Variants in CDIN1 observed in about 807,000 individuals in gnomAD.
CDIN1 encodes CDAN1-interacting nuclease 1.
In CDIN1, 33 loss-of-function variants were observed where a neutral mutation model predicts 45.3. The ratio of observed to expected loss-of-function variants is 0.73; its 90% CI spans 0.55 to 0.97. The LOEUF (loss-of-function observed/expected upper bound fraction) is 0.97, where lower values mean the gene tolerates loss of function less well. Among genes scored for constraint, CDIN1 ranks in the 50% least tolerant of loss-of-function variants. The pLI, the probability that CDIN1 is intolerant of heterozygous loss-of-function variation, is 0.00. For synonymous variants in CDIN1, 118 were observed against 124.4 expected, an observed-to-expected ratio of 0.95 and a Z score of 0.34; for missense variants, 303 against 339.4, an observed-to-expected ratio of 0.89 and a Z score of 0.84.
intron 1 of CDIN1, among the ~76,000 whole-genome samples, chr15:36,636,584 A>G (rs2039908330): frequency 6.6e-6 from 1 of 152,080 alleles, no homozygotes; most frequent in African/African-American, 2.4e-5. Flanking sequence ...AAAGAACGTA[A>G]CGGAGATGAA....
intron 10 of CDIN1, among the ~76,000 whole-genome samples, chr15:36,741,574 A>G (rs2044240516): frequency 1.3e-5 from 2 of 151,500 alleles, no homozygotes; most frequent in South Asian, 4.2e-4. Flanking sequence ...TGGGTGGCTT[A>G]CAGGACGGAA....
chr15:36,664,792 C>T (rs181705402), intron 5 of CDIN1, among the ~76,000 whole-genome samples: 7 of 152,172 alleles, frequency 4.6e-5, no homozygotes, highest in East Asian at 1.9e-4. Flanking sequence ...GTGATCCGCC[C>T]GCCTTGGCCT....
intron 10 of CDIN1, among the ~76,000 whole-genome samples, chr15:36,803,345 CAG>C (rs1045799647): frequency 6.6e-6 from 1 of 151,560 alleles, no homozygotes; most frequent in African/African-American, 2.4e-5. Flanking sequence ...CAGAAAGTGA[CAG>C]AGAACAGTGG....
intron 1 of CDIN1, among the ~76,000 whole-genome samples, chr15:36,608,802 A>T (rs561652100): frequency 6.6e-6 from 1 of 152,096 alleles, no homozygotes; most frequent in Non-Finnish European, 1.5e-5. Flanking sequence ...TTTAAACAGT[A>T]TGTTAAATTA....
At chr15:36,670,495 A>G (rs1045117578) in intron 5 of CDIN1, among the ~76,000 whole-genome samples, 3 of 152,180 alleles carry the variant, frequency 2.0e-5, no homozygotes, top group Non-Finnish European at 4.4e-5. Context: ...TTGTTTTTGC[A>G]TATCAAGTAG....
At chr15:36,715,806 G>A (rs1207247424) in intron 10 of CDIN1, among the ~76,000 whole-genome samples, 1 of 152,174 alleles carries the variant, frequency 6.6e-6, no homozygotes, top group Non-Finnish European at 1.5e-5. Context: ...TTGCTAGCTG[G>A]AGTAACCTCA....
In CDIN1 at chr15:36,622,853, G is replaced by A. The variant is rs1051218262; in HGVS notation, c.102-21425G>A. Among the ~76,000 whole-genome samples, 4 of 152,284 alleles carry A rather than the reference G, an allele frequency of 2.6e-5. No individual in the cohort carries two copies. In the Middle Eastern group the frequency reaches 0.01, roughly 388 times the overall value. ...CTTGAATCATGCTGGTGTTTGTATC[G>A]GGGAGGCAGCCTTTCTGGCTTCCTC... On this transcript the variant is annotated intron_variant, in intron 1 of 10. Coordinates refer to ENST00000566621, the MANE Select transcript of CDIN1 (RefSeq NM_001321759.2).
chr15:36,705,036 A>C (rs1000986189), intron 8 of CDIN1: 9 of 152,132 alleles, frequency 5.9e-5, no homozygotes, highest in Non-Finnish European at 4.4e-5. Context: ...ATTGCTTTGG[A>C]TATTTTGGGC....
chr15:36,695,564 A>G (rs950838078), intron 7 of CDIN1, among the ~76,000 whole-genome samples: 25 of 152,092 alleles, frequency 1.6e-4, no homozygotes, highest in African/African-American at 5.6e-4. Flanking sequence ...TGTGACTAAA[A>G]GGCTGGGTGC....
At chr15:36,619,386 C>A (rs1312089705) in intron 1 of CDIN1, 3 of 363,238 alleles carry the variant, frequency 8.3e-6, no homozygotes, top group African/African-American at 6.4e-5. Context: ...GAAAGTACAT[C>A]CTTAAATCAT....
chr15:36,672,491 T>C (rs28542943), intron 5 of CDIN1, among the ~76,000 whole-genome samples: 12,900 of 151,876 alleles, frequency 0.085, 693 homozygotes, highest in Middle Eastern at 0.12. Flanking sequence ...ATCATACACA[T>C]ATAAAGAAAT....
rs541149145 is a variant in CDIN1, at chr15:36,654,094, C to A, written c.213-4C>A. 5 of 1,574,682 alleles carry A rather than the reference C, an allele frequency of 3.2e-6. No homozygotes were observed. Among genetic ancestry groups the A allele is most frequent in the Non-Finnish European group, 4.3e-6 (5 of 1,157,694 alleles). On this transcript the variant is annotated splice_region_variant and splice_polypyrimidine_tract_variant and intron_variant, in intron 3 of 10. Coordinates refer to ENST00000566621, the MANE Select transcript of CDIN1 (RefSeq NM_001321759.2). Reference sequence around the variant, plus strand: ...GCATTACCACTTGGCTTTGTCTTGTCTAGGTACCTGAATGGAGTGGTGAAA... The same window carrying A: ...GCATTACCACTTGGCTTTGTCTTGTATAGGTACCTGAATGGAGTGGTGAAA...
intron 1 of CDIN1, among the ~76,000 whole-genome samples, chr15:36,604,752 C>T (rs904076971): frequency 4.6e-5 from 7 of 152,100 alleles, no homozygotes; most frequent in African/African-American, 1.4e-4. Context: ...AGCACCTAAG[C>T]ATATATGATG....
chr15:36,771,896 C>A (rs2054087912), intron 10 of CDIN1, among the ~76,000 whole-genome samples: 1 of 149,746 alleles, frequency 6.7e-6, no homozygotes, highest in Non-Finnish European at 1.5e-5. Context: ...CCATTGCACT[C>A]CAGCCTGGGT....
chr15:36,783,053 A>G (rs1020774558), intron 10 of CDIN1, among the ~76,000 whole-genome samples: 7 of 152,206 alleles, frequency 4.6e-5, no homozygotes, highest in African/African-American at 1.7e-4. Context: ...GGATAATACT[A>G]TAAAATCTCT....
intron 10 of CDIN1, among the ~76,000 whole-genome samples, chr15:36,749,662 T>C (rs1020424916): frequency 6.6e-6 from 1 of 152,222 alleles, no homozygotes; most frequent in Non-Finnish European, 1.5e-5. Flanking sequence ...TGGTTCTTCT[T>C]TTAAAAAGCA....
At chr15:36,787,921 ATTATTCATACTTTAAATGATG>A (rs2054532898) in intron 10 of CDIN1, among the ~76,000 whole-genome samples, 1 of 150,536 alleles carries the variant, frequency 6.6e-6, no homozygotes, top group Non-Finnish European at 1.5e-5. Context: ...TTAATGTGAT[ATTATTCATACTTTAAATGATG>A]TTATTCATAC....
chr15:36,651,352 T>C (rs1358250996), intron 3 of CDIN1, among the ~76,000 whole-genome samples: 1 of 152,180 alleles, frequency 6.6e-6, no homozygotes, highest in Non-Finnish European at 1.5e-5. Flanking sequence ...ATGCTATAAG[T>C]TTGCACAAGA....
In CDIN1 at chr15:36,748,548, T is replaced by C. The variant is rs550650163; in HGVS notation, c.716+38587T>C. Among the ~76,000 whole-genome samples, 15 of 152,292 alleles carry C rather than the reference T, an allele frequency of 9.8e-5. 1 individual carries two copies. The South Asian group carries it at 2.9e-3, about 29-fold the overall frequency. On this transcript the variant is annotated intron_variant, in intron 10 of 10. Transcript: ENST00000566621. ...TCCTCTCTCACAACAGCTGTTTCCC[T>C]GTTTTTGGAACCACATAGTGAATTC...
Sources: allele counts gnomAD v4.1 joint callset (sites outside exome capture counted in the v4.1 genomes callset), GRCh38; gene constraint gnomAD v4.1.1; transcripts MANE v1.5; gene names NCBI Gene and HGNC (gene_info 2026-07-23, HGNC 2026-07-21).